CTNNA2: variants seen among roughly 807,000 people sequenced by gnomAD.
CTNNA2 encodes the protein catenin alpha-2.
CTNNA2 carries 42 observed loss-of-function variants against 101.0 expected under a neutral mutation model. The observed-to-expected ratio is 0.42, with a 90% CI of 0.32 to 0.54. CTNNA2 has a LOEUF of 0.54. Among genes scored for constraint, CTNNA2 ranks in the 20% least tolerant of loss-of-function variants. CTNNA2 has a pLI of 0.14. For missense variants in CTNNA2, 871 were observed against 1,223.1 expected, an observed-to-expected ratio of 0.71 and a Z score of 4.29; for synonymous variants, 450 against 456.4, an observed-to-expected ratio of 0.99 and a Z score of 0.18.
intron 3 of CTNNA2, among the ~76,000 whole-genome samples, chr2:79,823,599 C>T (rs1307533279): frequency 6.6e-6 from 1 of 152,050 alleles, no homozygotes; most frequent in Non-Finnish European, 1.5e-5. Flanking sequence ...CTTAAACCTT[C>T]AGAAAAATAG....
intron 9 of CTNNA2, among the ~76,000 whole-genome samples, chr2:80,458,692 C>T (rs114827164): frequency 1.1e-3 from 161 of 152,284 alleles, no homozygotes; most frequent in African/African-American, 3.7e-3. Context: ...CCTTGAAGTT[C>T]AGCTTGTTCA....
intron 3 of CTNNA2, among the ~76,000 whole-genome samples, chr2:79,745,634 C>T (rs796320317): frequency 2.7e-4 from 41 of 152,194 alleles, no homozygotes; most frequent in African/African-American, 9.4e-4. Context: ...CTTTCTTTTT[C>T]TATGAATTTG....
At chr2:80,350,505 G>A (rs1307012084) in intron 7 of CTNNA2, among the ~76,000 whole-genome samples, 2 of 152,154 alleles carry the variant, frequency 1.3e-5, no homozygotes, top group Non-Finnish European at 2.9e-5. Context: ...GGCACATAGA[G>A]CATTCATCAT....
At chr2:79,593,707 G>A (rs1034421150) in intron 1 of CTNNA2, among the ~76,000 whole-genome samples, 6 of 151,852 alleles carry the variant, frequency 4.0e-5, no homozygotes, top group African/African-American at 1.5e-4. Context: ...CTGCTTCTGT[G>A]CCTCACCTTT....
chr2:80,319,920 A>T lies in CTNNA2; in HGVS notation c.1057-73291A>T, dbSNP rs565786519. ...CTCTTCCTGCAGCCTGCTGGTAGGAAATGAGGCAAGGTTTTTTATCCAACT... is the reference window on the plus strand; with the variant it reads ...CTCTTCCTGCAGCCTGCTGGTAGGATATGAGGCAAGGTTTTTTATCCAACT... On this transcript the variant is annotated intron_variant, in intron 7 of 18. Coordinates refer to ENST00000402739, the MANE Select transcript of CTNNA2 (RefSeq NM_001282597.3). 3.6e-4 allele frequency among the ~76,000 whole-genome samples: 55 copies of T among 152,324 alleles called. No homozygotes were observed. The South Asian group carries it at 9.5e-3, about 26-fold the overall frequency.
intron 4 of CTNNA2, among the ~76,000 whole-genome samples, chr2:79,460,133 A>G (rs1025071928): frequency 6.6e-6 from 1 of 152,100 alleles, no homozygotes; most frequent in African/African-American, 2.4e-5. Context: ...TAGACCATAT[A>G]TCTAGCATCT....
intron 2 of CTNNA2, among the ~76,000 whole-genome samples, chr2:79,213,658 T>G (rs1025704165): frequency 9.2e-5 from 14 of 152,040 alleles, no homozygotes; most frequent in African/African-American, 3.4e-4. Flanking sequence ...TGGGTGAATG[T>G]CAGGTGGATC....
intron 7 of CTNNA2, among the ~76,000 whole-genome samples, chr2:80,231,406 C>T (rs1709203751): frequency 1.3e-5 from 2 of 152,164 alleles, no homozygotes; most frequent in Admixed American, 6.5e-5. Flanking sequence ...GGTCATCTTC[C>T]CACTGATCAG....
chr2:80,457,409 C>T (rs1684075531), intron 9 of CTNNA2, among the ~76,000 whole-genome samples: 1 of 151,994 alleles, frequency 6.6e-6, no homozygotes, highest in Non-Finnish European at 1.5e-5. Flanking sequence ...ATTGAGATAA[C>T]ATACTGTACC....
intron 1 of CTNNA2, among the ~76,000 whole-genome samples, chr2:79,592,803 A>G (rs1202293838): frequency 6.6e-6 from 1 of 152,198 alleles, no homozygotes; most frequent in Non-Finnish European, 1.5e-5. Flanking sequence ...ATCTGACTCT[A>G]TCCAGCTAAT....
At chr2:79,990,295 A>G (rs1472946999) in intron 7 of CTNNA2, among the ~76,000 whole-genome samples, 1 of 152,168 alleles carries the variant, frequency 6.6e-6, no homozygotes, top group Admixed American at 6.6e-5. Flanking sequence ...TTGCAGCAGA[A>G]TAGAATGATT....
At chr2:80,190,867 T>A (rs1482137437) in intron 7 of CTNNA2, among the ~76,000 whole-genome samples, 1 of 152,236 alleles carries the variant, frequency 6.6e-6, no homozygotes, top group East Asian at 1.9e-4. Flanking sequence ...TGTCCATCTC[T>A]GAGGCAGCTG....
At chr2:79,359,394 A>AT (rs939784626) in intron 3 of CTNNA2, among the ~76,000 whole-genome samples, 14 of 152,346 alleles carry the variant, frequency 9.2e-5, no homozygotes, top group African/African-American at 3.1e-4. Context: ...GGGCCCTAAC[A>AT]TGACACCCCT....
chr2:80,360,957 G>GT (rs1271508644), intron 7 of CTNNA2, among the ~76,000 whole-genome samples: 1 of 151,482 alleles, frequency 6.6e-6, no homozygotes, highest in East Asian at 1.9e-4. Flanking sequence ...ATTATAGTGG[G>GT]TTTTTTTTAA....
At chr2:80,364,820 A>G (rs1443869177) in intron 7 of CTNNA2, among the ~76,000 whole-genome samples, 1 of 152,114 alleles carries the variant, frequency 6.6e-6, no homozygotes, top group Non-Finnish European at 1.5e-5. Flanking sequence ...TTAGTCTATC[A>G]GCTTTTCCTT....
At chr2:80,559,891 T>TTTATATATATATATTTATATATATACAC (rs67796030) in intron 12 of CTNNA2, among the ~76,000 whole-genome samples, 1 of 146,818 alleles carries the variant, frequency 6.8e-6, no homozygotes, top group Non-Finnish European at 1.5e-5. Context: ...TATATATATA[T>TTTATATATATATATTTATATATATACAC]ACACACACAT....
intron 7 of CTNNA2, among the ~76,000 whole-genome samples, chr2:79,925,851 G>GGCATTCTTT (rs1686982935): frequency 6.8e-6 from 1 of 147,414 alleles, no homozygotes; most frequent in African/African-American, 2.5e-5. Context: ...TTAAAATAAT[G>GGCATTCTTT]GCATTCTTTG....
At chr2:79,629,181 T>C (rs1679523115) in intron 1 of CTNNA2, among the ~76,000 whole-genome samples, 1 of 152,200 alleles carries the variant, frequency 6.6e-6, no homozygotes, top group South Asian at 2.1e-4. Flanking sequence ...CTCGAAGTTT[T>C]TATCAGCAAG....
At chr2:80,144,632 C>T (rs567611167) in intron 7 of CTNNA2, among the ~76,000 whole-genome samples, 26 of 152,214 alleles carry the variant, frequency 1.7e-4, no homozygotes, top group Middle Eastern at 6.8e-3. Context: ...CAGCTGGTGT[C>T]CATTGTTATT....
Sources: allele counts gnomAD v4.1 joint callset (sites outside exome capture counted in the v4.1 genomes callset), GRCh38; gene constraint gnomAD v4.1.1; transcripts MANE v1.5; gene names NCBI Gene and HGNC (gene_info 2026-07-23, HGNC 2026-07-21).